Variants in GLI3 observed in about 807,000 individuals in gnomAD.
GLI3 encodes the protein transcription activator GLI3.
GLI3 carries 20 observed loss-of-function variants against 100.8 expected under a neutral mutation model. The observed-to-expected ratio is 0.20, with a 90% CI of 0.14 to 0.29. The LOEUF is 0.29. Among genes scored for constraint, GLI3 ranks in the 10% least tolerant of loss-of-function variants. The pLI is 1.00. For synonymous variants in GLI3, 938 were observed against 860.5 expected (o/e 1.09, Z -1.58); for missense variants, 2,040 against 2,128.5 (o/e 0.96, Z 0.82).
chr7:42,227,933 T>C (rs1788614689), intron 1 of GLI3, among the ~76,000 whole-genome samples: 1 of 152,154 alleles, frequency 6.6e-6, no homozygotes, highest in Non-Finnish European at 1.5e-5. Context: ...GTATGGCCAA[T>C]TTTGTTTGAA....
chr7:41,965,863 G>A lies in GLI3; in HGVS notation c.3210C>T (p.Thr1070=), dbSNP rs375673789. The change falls in exon 15 of 15, where the codon ACC becomes ACT. Residue 1070 remains threonine, a synonymous_variant. Coordinates refer to ENST00000395925, the MANE Select transcript of GLI3 (RefSeq NM_000168.6). ...TCAGGGACTCCAGGGTGACGTTCTCGGTGATGCTGGGAGGACAGGGGGACG... is the reference window on the plus strand; with the variant it reads ...TCAGGGACTCCAGGGTGACGTTCTCAGTGATGCTGGGAGGACAGGGGGACG... ...FHSSPCPPSI[T]ENVTLESLTM... is the part of the protein sequence containing the mutation. The A allele has an allele frequency of 1.3e-5, 21 of 1,613,694 alleles. No homozygotes were observed. The highest frequency in any genetic ancestry group is 1.7e-5 in the Admixed American group (1 of 60,000).
chr7:42,120,282 C>G (rs764413260), intron 3 of GLI3, among the ~76,000 whole-genome samples: 26 of 152,176 alleles, frequency 1.7e-4, no homozygotes, highest in Non-Finnish European at 3.1e-4. Context: ...TGCCCGAACT[C>G]TGATTGGGCT....
rs1419001516 is a variant in GLI3 at position 41,972,382 on chromosome 7, C to T, written c.2058G>A (p.Arg686=). The T allele has an allele frequency of 6.2e-7, 1 of 1,614,026 alleles. No individual in the cohort carries two copies. The highest frequency in any genetic ancestry group is 2.2e-5 in the East Asian group (1 of 44,840). The change falls in exon 13 of 15, where the codon CGG becomes CGA. Residue 686 remains arginine (R), a synonymous_variant. Transcript: ENST00000395925. This position sits in a 1 kb window ranked among gnomAD's most constrained non-coding sequence, Gnocchi z 4.4. ...QQDLSNTTSK[R]EECLQVKTVK... is the part of the protein sequence containing the mutation. ...CGGTTTTCACCTGGAGGCATTCTTC[C>T]CGCTTTGAGGTAGTGTTGCTGAGGT...
At chr7:42,135,112 T>A (rs1014470554) in intron 3 of GLI3, among the ~76,000 whole-genome samples, 3 of 152,228 alleles carry the variant, frequency 2.0e-5, no homozygotes, top group Non-Finnish European at 4.4e-5. Context: ...CTTGTTGATA[T>A]GCAACTTAAT....
At position 42,244,693 on chromosome 7, in the gene GLI3, A is replaced by G. The variant is rs191068701; in HGVS notation, c.-43+19301T>C. The stretch of plus-strand genomic sequence containing the variant: ...AAGGCTACATCAGAAAGTCAGAATA[A>G]AACACCTTTAAAAAAAAAAAAAGTA... On this transcript the variant is annotated intron_variant, in intron 1 of 2. Coordinates refer to the GLI3 transcript ENST00000678978. Among the ~76,000 whole-genome samples, 74 of 152,186 alleles carry G rather than the reference A, an allele frequency of 4.9e-4. 3 individuals are homozygous for G. Among genetic ancestry groups the G allele is most frequent in the East Asian group, 2.3e-3 (12 of 5,170 alleles).
Position 41,965,444 on chromosome 7 carries a change from G to T in GLI3, c.3629C>A (p.Ala1210Asp). Residue 1210 changes from alanine (A) to aspartate (D), a missense_variant, in exon 15 of 15, where the codon GCT becomes GAT. Transcript: ENST00000395925. ...HPQNPLRSGP[A>D]GGYQTLGENS... Reference sequence around the variant, plus strand: ...CTCCCCGAGGGTCTGATAGCCCCCAGCAGGCCCGCTCCTCAAGGGGTTCTG... The same window carrying T: ...CTCCCCGAGGGTCTGATAGCCCCCATCAGGCCCGCTCCTCAAGGGGTTCTG... 1 of 1,607,928 alleles carries T rather than the reference G, an allele frequency of 6.2e-7. No individual in the cohort carries two copies.
Position 42,131,105 on chromosome 7 carries a change from A to T in GLI3, c.367+17121T>A, listed in dbSNP as rs969299710. On this transcript the variant is annotated intron_variant, in intron 3 of 14. Transcript: ENST00000395925. ...AATTCTGCCTCCACTGTTGTTGGGA[A>T]GTTACTTGATGTATTCCAATAAAAT... Among the ~76,000 whole-genome samples, 14 of 152,340 alleles carry T rather than the reference A, an allele frequency of 9.2e-5. 1 individual carries two copies. Among genetic ancestry groups the T allele is most frequent in the South Asian group, 6.2e-4 (3 of 4,824 alleles).
At chr7:42,246,805 C>CTATTTTTTTTTTTTTTTTTTTTTTTT (rs1332970657) in intron 1 of GLI3, among the ~76,000 whole-genome samples, 1 of 94,996 alleles carries the variant, frequency 1.1e-5, no homozygotes, top group African/African-American at 4.3e-5. Flanking sequence ...ATGATAGAAT[C>CTATTTTTTTTTTTTTTTTTTTTTTTT]TTTTTTTTTT....
At chr7:42,203,605 A>G (rs36073185) in intron 2 of GLI3, among the ~76,000 whole-genome samples, 53,506 of 151,994 alleles carry the variant, frequency 0.35, 9,706 homozygotes, top group Middle Eastern at 0.49. Context: ...TATATAACAC[A>G]TTTTCTTTCT....
chr7:42,025,215 C>A, intron 9 of GLI3, 49 bp downstream of exon 9: 1 of 1,242,472 alleles, frequency 8.0e-7, no homozygotes, highest in Non-Finnish European at 1.2e-6. Context: ...CCCAAAGACA[C>A]CAGTCTTGGG....
rs34089404 is a variant in GLI3 at position 41,965,002 on chromosome 7, G to A, written c.4071C>T (p.Tyr1357=). The A allele has an allele frequency of 0.084, 135,651 of 1,613,802 alleles. 6,167 individuals are homozygous for A. Among genetic ancestry groups the A allele is most frequent in the Non-Finnish European group, 0.092 (108,639 of 1,179,988 alleles). Residue 1357 remains tyrosine, a synonymous_variant, in exon 15 of 15, where the codon TAC becomes TAT. Transcript: ENST00000395925. ...QISATSHINI[Y]QGPESCLPGA... ...CTGGCAGGCAGCTCTCTGGCCCTTG[G>A]TAGATGTTGATGTGTGAGGTAGCAC...
At chr7:42,244,800 A>G (rs1342713318) in intron 1 of GLI3, among the ~76,000 whole-genome samples, 1 of 152,194 alleles carries the variant, frequency 6.6e-6, no homozygotes, top group African/African-American at 2.4e-5. Flanking sequence ...CCAGCCATGA[A>G]GAATTCATTC....
At chr7:42,139,016 C>G (rs1786496794) in intron 3 of GLI3, among the ~76,000 whole-genome samples, 1 of 152,216 alleles carries the variant, frequency 6.6e-6, no homozygotes, top group African/African-American at 2.4e-5. Context: ...TGTTCTCATG[C>G]TCCCCTGGTG....
rs2128703743 is a variant in GLI3 at position 41,962,002 on chromosome 7, G to A, written c.*2328C>T. On this transcript the variant is annotated 3_prime_UTR_variant, in exon 15 of 15. Coordinates refer to ENST00000395925, the MANE Select transcript of GLI3 (RefSeq NM_000168.6). ...AAAAAAGAAATAAAAGAAGAATAGG[G>A]GAAACCCAGAAAATAACCTGAAACC... 1 of 152,272 alleles carries A rather than the reference G, an allele frequency of 6.6e-6. No homozygotes were observed. The highest frequency in any genetic ancestry group is 2.1e-4 in the South Asian group (1 of 4,818). The allele number at this position is 152,272 out of a possible 1,614,324, so 9.4% of individuals were successfully genotyped here.
At chr7:42,256,731 C>T (rs1053350814) in intron 1 of GLI3, among the ~76,000 whole-genome samples, 3 of 152,044 alleles carry the variant, frequency 2.0e-5, no homozygotes, top group Non-Finnish European at 4.4e-5. Flanking sequence ...TCCAAATTTG[C>T]TTTTTCCCCC....
Position 41,977,432 on chromosome 7 carries a change from G to C in GLI3, c.1812+126C>G, listed in dbSNP as rs996988992. The C allele has an allele frequency of 7.5e-6, 7 of 932,264 alleles. No individual in the cohort carries two copies. In the African/African-American group the frequency reaches 8.2e-5, roughly 11 times the overall value. The allele number at this position is 932,264 out of a possible 1,614,324, so 57.7% of individuals were successfully genotyped here. On this transcript the variant is annotated intron_variant, in intron 12 of 14. Transcript: ENST00000395925. ...GCTCAAGCCTTCACCTGCAGGGGCA[G>C]AGCCCCTCATGCTGGGAATGGCCAA...
intron 4 of GLI3, among the ~76,000 whole-genome samples, chr7:42,056,494 A>T (rs1242394396): frequency 6.6e-6 from 1 of 152,222 alleles, no homozygotes; most frequent in Admixed American, 6.5e-5. Context: ...GTGGCCACTA[A>T]AGGTGAGGGC....
intron 10 of GLI3, among the ~76,000 whole-genome samples, chr7:41,983,603 T>C (rs1787733476): frequency 6.6e-6 from 1 of 152,190 alleles, no homozygotes; most frequent in Non-Finnish European, 1.5e-5. Context: ...GGGAAAATAA[T>C]GCATGATTAA....
intron 3 of GLI3, among the ~76,000 whole-genome samples, chr7:42,101,499 A>T (rs1785460400): frequency 1.3e-5 from 2 of 151,732 alleles, no homozygotes; most frequent in African/African-American, 4.8e-5. Context: ...CCAGCTACTC[A>T]TGAGGCTGAG....
Sources: allele counts gnomAD v4.1 joint callset (sites outside exome capture counted in the v4.1 genomes callset), GRCh38; gene constraint gnomAD v4.1.1; non-coding constraint Gnocchi (gnomAD v3.1); transcripts MANE v1.5; gene names NCBI Gene and HGNC (gene_info 2026-07-23, HGNC 2026-07-21).